ATP8B4: variants seen among roughly 807,000 people sequenced by gnomAD.
The protein encoded by ATP8B4 is ATPase phospholipid transporting 8B4 (putative), also known as probable phospholipid-transporting ATPase IM.
In ATP8B4, 133 loss-of-function variants were observed where a neutral mutation model predicts 145.6. The observed-to-expected ratio is 0.91, with a 90% confidence interval of 0.79 to 1.05. The LOEUF is 1.05. Ranked by LOEUF, ATP8B4 falls within the 50% of genes least tolerant of loss-of-function variation. The pLI is 0.00. For missense variants in ATP8B4, 1,458 were observed against 1,425.2 expected, an observed-to-expected ratio of 1.02 and a Z score of -0.37; for synonymous variants, 507 against 492.9, an observed-to-expected ratio of 1.03 and a Z score of -0.38.
chr15:50,124,745 A>G (rs2057296293), intron 1 of ATP8B4, among the ~76,000 whole-genome samples: 1 of 152,154 alleles, frequency 6.6e-6, no homozygotes. Flanking sequence ...ACAAGCAAGA[A>G]CAATAGATCC....
chr15:49,897,299 G>T lies in ATP8B4; in HGVS notation c.2690C>A (p.Ser897Ter). The T allele has an allele frequency of 6.2e-7, 1 of 1,606,856 alleles. No individual in the cohort carries two copies. ...AAACATGCTTTTACCAACCTGGGCTGAGAAACCACAGAAGAAACCAAACCA... is the reference window on the plus strand; with the variant it reads ...AAACATGCTTTTACCAACCTGGGCTTAGAAACCACAGAAGAAACCAAACCA... ...HFWFGFFCGF[S>*]AQTVYDQWFI... The change falls in exon 23 of 28, where the codon TCA becomes TAA. Residue 897 changes from serine to a stop codon, truncating the protein, a stop_gained. Transcript: ENST00000284509. LOFTEE classifies it high-confidence loss of function.
intron 23 of ATP8B4, 191 bp downstream of exon 23, chr15:49,897,101 G>A (rs757314899): frequency 1.8e-6 from 1 of 552,776 alleles, no homozygotes. Context: ...TAAAATTCCA[G>A]CTAGATACAT....
intron 1 of ATP8B4, among the ~76,000 whole-genome samples, chr15:50,159,208 G>A (rs1475561064): frequency 6.6e-6 from 1 of 152,074 alleles, no homozygotes. Context: ...TCATTGTGGA[G>A]ATCTTTTACT....
At chr15:49,981,440 T>C in intron 10 of ATP8B4, 146 bp from the exon 11 acceptor site, 1 of 609,396 alleles carries the variant, frequency 1.6e-6, no homozygotes, top group Non-Finnish European at 2.8e-6. Context: ...CATTAAGTTG[T>C]ACATGATTCT....
At chr15:50,110,496 A>G (rs1277848796) in intron 1 of ATP8B4, among the ~76,000 whole-genome samples, 1 of 152,250 alleles carries the variant, frequency 6.6e-6, no homozygotes, top group African/African-American at 2.4e-5. Flanking sequence ...TGGAACAGTA[A>G]AGATCTAAGG....
intron 3 of ATP8B4, among the ~76,000 whole-genome samples, chr15:50,065,731 C>T (rs2053336791): frequency 6.6e-6 from 1 of 152,038 alleles, no homozygotes; most frequent in Non-Finnish European, 1.5e-5. Context: ...TCTTGTAATT[C>T]CAATTACATA....
At chr15:50,017,071 C>A (rs1451649553) in intron 6 of ATP8B4, among the ~76,000 whole-genome samples, 1 of 152,176 alleles carries the variant, frequency 6.6e-6, no homozygotes, top group Non-Finnish European at 1.5e-5. Context: ...ACCTTTCTAT[C>A]ATTTCAATTT....
intron 26 of ATP8B4, among the ~76,000 whole-genome samples, chr15:49,864,954 T>C (rs531690900): frequency 1.3e-3 from 191 of 152,364 alleles, no homozygotes; most frequent in South Asian, 7.9e-3. Context: ...TTCTCTGTTT[T>C]CTGGCATAGA....
intron 6 of ATP8B4, among the ~76,000 whole-genome samples, chr15:50,027,674 A>T (rs1051197782): frequency 1.3e-5 from 2 of 152,216 alleles, no homozygotes; most frequent in African/African-American, 4.8e-5. Flanking sequence ...TGAACACTGG[A>T]CATTAAGCAA....
chr15:50,108,537 T>A (rs1309001488), intron 1 of ATP8B4, among the ~76,000 whole-genome samples: 1 of 152,176 alleles, frequency 6.6e-6, no homozygotes, highest in African/African-American at 2.4e-5. Flanking sequence ...GCCTCATGTC[T>A]GCACTCCAGA....
chr15:49,866,095 C>G (rs2032741777), intron 26 of ATP8B4, among the ~76,000 whole-genome samples: 1 of 152,172 alleles, frequency 6.6e-6, no homozygotes, highest in Non-Finnish European at 1.5e-5. Flanking sequence ...TGCAAAGAGA[C>G]AGCCTACTAC....
rs750569334 is a variant in ATP8B4 at position 50,002,212 on chromosome 15, A to G, written c.447T>C (p.Leu149=). 2.5e-6 allele frequency: 4 copies of G among 1,610,016 alleles called. No individual in the cohort carries two copies. The highest frequency in any genetic ancestry group is 3.4e-6 in the Non-Finnish European group (4 of 1,177,148). Residue 149 remains leucine, a synonymous_variant, in exon 8 of 28, where the codon CTT becomes CTC. Transcript: ENST00000284509. The stretch of plus-strand genomic sequence containing the variant: ...CATGTGGCTCACTACTTGATAGGAG[A>G]AGTAAATCAGCCTATTTTCAAAAAT... The part of the protein sequence containing the change: ...ENNQFVAADL[L]LLSSSEPHGL...
At chr15:50,137,343 C>T (rs2044136479) in intron 1 of ATP8B4, among the ~76,000 whole-genome samples, 1 of 152,166 alleles carries the variant, frequency 6.6e-6, no homozygotes, top group East Asian at 1.9e-4. Context: ...TCCATGTTAG[C>T]CGGCACATTC....
intron 6 of ATP8B4, among the ~76,000 whole-genome samples, chr15:50,031,868 A>G (rs1403635218): frequency 6.6e-6 from 1 of 152,122 alleles, no homozygotes; most frequent in African/African-American, 2.4e-5. Context: ...CAATACACAA[A>G]TTTGCTATCA....
intron 3 of ATP8B4, among the ~76,000 whole-genome samples, chr15:50,048,369 T>C (rs908436628): frequency 2.0e-5 from 3 of 152,112 alleles, no homozygotes; most frequent in Admixed American, 6.5e-5. Context: ...AATCATTCAC[T>C]CTGCAGTTAA....
chr15:49,923,642 A>G (rs2040457561), intron 16 of ATP8B4, 148 bp from the exon 17 acceptor site: 1 of 541,942 alleles, frequency 1.8e-6, no homozygotes, highest in African/African-American at 1.9e-5. Flanking sequence ...TTAGGTCATT[A>G]CCTAAGTCAC....
At chr15:50,081,519 C>G (rs16963306) in intron 2 of ATP8B4, among the ~76,000 whole-genome samples, 12,845 of 152,198 alleles carry the variant, frequency 0.084, 793 homozygotes, top group East Asian at 0.25. Context: ...AGGCAACACC[C>G]AACTCCTAAT....
intron 6 of ATP8B4, among the ~76,000 whole-genome samples, chr15:50,022,305 C>T (rs1303887187): frequency 1.3e-5 from 2 of 152,100 alleles, no homozygotes; most frequent in Non-Finnish European, 2.9e-5. Context: ...CCTAAGTACC[C>T]CTTCTTTAGT....
Position 50,148,159 on chromosome 15 carries a change from G to A in ATP8B4, c.-43+34102C>T, listed in dbSNP as rs576506628. On this transcript the variant is annotated intron_variant, in intron 1 of 3. Transcript: ENST00000558829. ...AACTGCAAAACCTGAATCTAATCAT[G>A]AGGAAACATCACATAAACCCAAGTT... 2.0e-5 allele frequency among the ~76,000 whole-genome samples: 3 copies of A among 152,066 alleles called. 1 individual carries two copies. The South Asian group carries it at 6.2e-4, about 32-fold the overall frequency.
Sources: allele counts gnomAD v4.1 joint callset (sites outside exome capture counted in the v4.1 genomes callset), GRCh38; gene constraint gnomAD v4.1.1; transcripts MANE v1.5; gene names NCBI Gene and HGNC (gene_info 2026-07-23, HGNC 2026-07-21).